Variants in EYA1 observed in about 807,000 individuals in gnomAD.
The protein encoded by EYA1 is EYA transcriptional coactivator and phosphatase 1.
In EYA1, 16 loss-of-function variants were observed where a neutral mutation model predicts 82.0. That is an observed-to-expected ratio of 0.20 (90% CI 0.13 to 0.30). The LOEUF is 0.30. Among genes scored for constraint, EYA1 ranks in the 10% least tolerant of loss-of-function variants. EYA1 has a pLI of 1.00. For missense variants in EYA1, 633 were observed against 730.7 expected (o/e 0.87, Z 1.54); for synonymous variants, 261 against 264.4 (o/e 0.99, Z 0.12).
rs763005068 is a variant in EYA1 at position 71,321,856 on chromosome 8, G to C, written c.296C>G (p.Pro99Arg). 1 of 1,614,230 alleles carries C rather than the reference G, an allele frequency of 6.2e-7. No homozygotes were observed. Among genetic ancestry groups the C allele is most frequent in the South Asian group, 1.1e-5 (1 of 91,092 alleles). Residue 99 changes from proline to arginine, a missense_variant, in exon 6 of 18, where the codon CCT (proline) becomes CGT (arginine). By Grantham distance (103) the Pro-to-Arg change is moderately radical. Coordinates refer to ENST00000340726, the MANE Select transcript of EYA1 (RefSeq NM_000503.6). ...PSNRPYPHIL[P>R]TPSSQTMAAY... Reference sequence around the variant, plus strand: ...AGCCATAGTTTGTGAGGAAGGGGTAGGGAGAATATGTGGGTATGGTCTGCT... The same window carrying C: ...AGCCATAGTTTGTGAGGAAGGGGTACGGAGAATATGTGGGTATGGTCTGCT...
At chr8:71,204,468 C>T (rs1807480207) in intron 17 of EYA1, among the ~76,000 whole-genome samples, 1 of 152,186 alleles carries the variant, frequency 6.6e-6, no homozygotes, top group Non-Finnish European at 1.5e-5. Context: ...CCTACAGATG[C>T]ACTTGCACAT....
intron 12 of EYA1, among the ~76,000 whole-genome samples, chr8:71,233,514 A>G (rs1471509129): frequency 4.0e-5 from 6 of 150,682 alleles, no homozygotes; most frequent in East Asian, 3.9e-4. Context: ...CAGTGAGCCG[A>G]GATTGTGCCA....
chr8:71,278,762 T>C (rs1305386904), intron 9 of EYA1, among the ~76,000 whole-genome samples: 1 of 152,250 alleles, frequency 6.6e-6, no homozygotes, highest in East Asian at 1.9e-4. Context: ...CTTGAAGATT[T>C]AGAGATAAGT....
intron 2 of EYA1, among the ~76,000 whole-genome samples, chr8:71,481,562 T>C (rs1003247384): frequency 1.3e-5 from 2 of 152,190 alleles, no homozygotes; most frequent in Admixed American, 6.5e-5. Context: ...ATGCTGAATA[T>C]GGGTATGAAA....
intron 9 of EYA1, among the ~76,000 whole-genome samples, chr8:71,278,544 T>C (rs1817459579): frequency 6.6e-6 from 1 of 152,250 alleles, no homozygotes; most frequent in Non-Finnish European, 1.5e-5. Flanking sequence ...TATATTTGCT[T>C]AAAAATTATA....
intron 2 of EYA1, among the ~76,000 whole-genome samples, chr8:71,506,083 T>A (rs181538436): frequency 6.6e-6 from 1 of 152,226 alleles, no homozygotes; most frequent in Non-Finnish European, 1.5e-5. Flanking sequence ...GAACTGTGAG[T>A]CAATTAAGCT....
chr8:71,448,393 C>T (rs577190033), intron 2 of EYA1, among the ~76,000 whole-genome samples: 100 of 152,260 alleles, frequency 6.6e-4, no homozygotes, highest in African/African-American at 2.3e-3. Context: ...CAAATTTTAT[C>T]GTAAGATTGT....
intron 9 of EYA1, among the ~76,000 whole-genome samples, chr8:71,283,750 C>A (rs1398833153): frequency 2.6e-5 from 4 of 152,124 alleles, no homozygotes; most frequent in African/African-American, 9.7e-5. Flanking sequence ...CTGGTCTCAA[C>A]TGATTGAAAC....
chr8:71,443,305 CG>C (rs995320176), intron 2 of EYA1, among the ~76,000 whole-genome samples: 3 of 151,984 alleles, frequency 2.0e-5, no homozygotes, highest in South Asian at 4.2e-4. Context: ...ATTTTTTTGG[CG>C]GGGGGGATAG....
chr8:71,218,759 C>G (rs997297758), intron 12 of EYA1, among the ~76,000 whole-genome samples: 1 of 151,410 alleles, frequency 6.6e-6, no homozygotes, highest in Non-Finnish European at 1.5e-5. Flanking sequence ...GTAGAAATTT[C>G]TGATATTTAA....
intron 12 of EYA1, among the ~76,000 whole-genome samples, chr8:71,232,324 T>TG (rs1243060554): frequency 6.6e-6 from 1 of 152,254 alleles, no homozygotes; most frequent in Non-Finnish European, 1.5e-5. Flanking sequence ...GGGGAGGCTC[T>TG]GCTCCACAGT....
chr8:71,443,269 G>A (rs1475508696), intron 2 of EYA1, among the ~76,000 whole-genome samples: 10 of 152,138 alleles, frequency 6.6e-5, no homozygotes, highest in Admixed American at 5.9e-4. Context: ...AGACAGATTA[G>A]GATTTCAGAG....
intron 2 of EYA1, among the ~76,000 whole-genome samples, chr8:71,496,401 C>A (rs190311508): frequency 6.6e-6 from 1 of 152,226 alleles, no homozygotes; most frequent in Admixed American, 6.5e-5. Flanking sequence ...TACCCTGATA[C>A]TGAAAACAGA....
At chr8:71,545,228 C>T (rs946863837) in intron 1 of EYA1, among the ~76,000 whole-genome samples, 2 of 152,138 alleles carry the variant, frequency 1.3e-5, no homozygotes, top group Non-Finnish European at 2.9e-5. Context: ...AAAATACTGA[C>T]GATGCACCCT....
At chr8:71,316,282 A>G (rs1821918049) in intron 7 of EYA1, among the ~76,000 whole-genome samples, 1 of 152,156 alleles carries the variant, frequency 6.6e-6, no homozygotes, top group Non-Finnish European at 1.5e-5. Context: ...ACTTAAACTT[A>G]TTCAAAGGAA....
intron 2 of EYA1, among the ~76,000 whole-genome samples, chr8:71,423,698 C>A (rs1022566557): frequency 2.6e-5 from 4 of 152,000 alleles, no homozygotes; most frequent in Non-Finnish European, 5.9e-5. Flanking sequence ...TATACAATAC[C>A]ACTATTTAAA....
intron 2 of EYA1, among the ~76,000 whole-genome samples, chr8:71,471,259 A>G (rs970027344): frequency 6.6e-6 from 1 of 152,068 alleles, no homozygotes; most frequent in African/African-American, 2.4e-5. Flanking sequence ...TTGTTATACA[A>G]TTGGGTTACA....
chr8:71,369,944 C>T (rs1230773616), intron 2 of EYA1, among the ~76,000 whole-genome samples: 2 of 151,728 alleles, frequency 1.3e-5, no homozygotes, highest in African/African-American at 2.4e-5. Flanking sequence ...AAAATTGAGT[C>T]CTTAAAAACT....
chr8:71,207,613 G>C (rs1027297072), intron 17 of EYA1, among the ~76,000 whole-genome samples: 1 of 152,100 alleles, frequency 6.6e-6, no homozygotes, highest in South Asian at 2.1e-4. Context: ...TATGTTTTCT[G>C]CAGGTGGCTG....
Sources: allele counts gnomAD v4.1 joint callset (sites outside exome capture counted in the v4.1 genomes callset), GRCh38; gene constraint gnomAD v4.1.1; transcripts MANE v1.5; gene names NCBI Gene and HGNC (gene_info 2026-07-23, HGNC 2026-07-21).